Variants in OR5BS1 observed in about 807,000 individuals in gnomAD.
OR5BS1 encodes the protein olfactory receptor family 5 subfamily BS member 1, also known as olfactory receptor 5BS1.
the OR5BS1 span, chr12:48,560,264 A>C: frequency 2.5e-6 from 1 of 401,260 alleles, no homozygotes; most frequent in Non-Finnish European, 4.4e-6. Context: ...GCCATGTGTC[A>C]TCCACTGTTG....
chr12:48,562,580 C>T, the OR5BS1 span, among the ~76,000 whole-genome samples: 1 of 152,186 alleles, frequency 6.6e-6, no homozygotes, highest in African/African-American at 2.4e-5. Flanking sequence ...GCTCCTATAA[C>T]TTTCTGTGTG....
chr12:48,562,358 T>C, the OR5BS1 span, among the ~76,000 whole-genome samples: 1 of 152,234 alleles, frequency 6.6e-6, no homozygotes, highest in African/African-American at 2.4e-5. Context: ...GAACATTGCG[T>C]TTCTGTACTG....
At chr12:48,560,144 AG>A in the OR5BS1 span, 1 of 401,414 alleles carries the variant, frequency 2.5e-6, no homozygotes, top group Admixed American at 4.4e-5. Flanking sequence ...CTTCTTTCTA[AG>A]GGGGAGACAA....
At chr12:48,562,268 C>T in the OR5BS1 span, among the ~76,000 whole-genome samples, 8 of 152,138 alleles carry the variant, frequency 5.3e-5, no homozygotes, top group Non-Finnish European at 1.0e-4. Flanking sequence ...GAGGGTAATT[C>T]CCAGGGCCAT....
the OR5BS1 span, among the ~76,000 whole-genome samples, chr12:48,561,029 G>T: frequency 1.4e-4 from 21 of 151,816 alleles, no homozygotes; most frequent in East Asian, 4.1e-3. Flanking sequence ...CTTCAGCCTC[G>T]GAGGCAGAGG....
chr12:48,561,836 C>G, the OR5BS1 span, among the ~76,000 whole-genome samples: 2 of 152,178 alleles, frequency 1.3e-5, no homozygotes, highest in African/African-American at 4.8e-5. Context: ...GTGCACCAAT[C>G]TCTTCATCTC....
At chr12:48,562,600 A>G in the OR5BS1 span, among the ~76,000 whole-genome samples, 2 of 152,096 alleles carry the variant, frequency 1.3e-5, no homozygotes, top group African/African-American at 4.8e-5. Flanking sequence ...GAGCTCACTT[A>G]TGTTTGGAAG....
the OR5BS1 span, among the ~76,000 whole-genome samples, chr12:48,561,299 G>A: frequency 6.6e-6 from 1 of 152,096 alleles, no homozygotes; most frequent in South Asian, 2.1e-4. Flanking sequence ...TGAAACATAT[G>A]CCATCTTTAT....
the OR5BS1 span, among the ~76,000 whole-genome samples, chr12:48,561,332 A>G: frequency 6.6e-6 from 1 of 152,194 alleles, no homozygotes; most frequent in East Asian, 1.9e-4. Context: ...GATGTCGCCA[A>G]AGCTTACATA....
chr12:48,560,687 G>T, the OR5BS1 span: 1 of 400,646 alleles, frequency 2.5e-6, no homozygotes, highest in South Asian at 1.3e-4. Flanking sequence ...ATATAAATGC[G>T]GGATATTCCT....
At chr12:48,560,164 C>T in the OR5BS1 span, 1 of 401,420 alleles carries the variant, frequency 2.5e-6, no homozygotes, top group Non-Finnish European at 4.4e-6. Flanking sequence ...AATATCCTTC[C>T]TTGAGTGTTT....
the OR5BS1 span, among the ~76,000 whole-genome samples, chr12:48,562,630 C>A: frequency 6.6e-6 from 1 of 152,174 alleles, no homozygotes; most frequent in African/African-American, 2.4e-5. Flanking sequence ...GCAGAAATGA[C>A]TGACTTTTCA....
At chr12:48,562,571 C>T in the OR5BS1 span, among the ~76,000 whole-genome samples, 1 of 152,234 alleles carries the variant, frequency 6.6e-6, no homozygotes, top group Admixed American at 6.5e-5. Flanking sequence ...CTCGGGGCAG[C>T]TCCTATAACT....
At chr12:48,562,893 GAGCC>G in the OR5BS1 span, 2 of 401,866 alleles carry the variant, frequency 5.0e-6, no homozygotes, top group South Asian at 1.3e-4. Flanking sequence ...ACAGTCTGAA[GAGCC>G]AGGAGGTAAA....
chr12:48,560,713 C>T, the OR5BS1 span: 249 of 400,036 alleles, frequency 6.2e-4, no homozygotes, highest in Middle Eastern at 3.8e-3. Context: ...TAAGTGGTCT[C>T]CGTTGGCAGA....
the OR5BS1 span, chr12:48,560,354 T>A: frequency 3.7e-4 from 149 of 401,504 alleles, no homozygotes; most frequent in Non-Finnish European, 2.6e-5. Context: ...ACTGGCCTAA[T>A]TAACACCCTC....
the OR5BS1 span, among the ~76,000 whole-genome samples, chr12:48,561,262 T>C: frequency 6.6e-6 from 1 of 152,232 alleles, no homozygotes; most frequent in Non-Finnish European, 1.5e-5. Flanking sequence ...TTTTAATCAG[T>C]GTTAGACAAA....
chr12:48,559,897 A>G, the OR5BS1 span: 2 of 401,348 alleles, frequency 5.0e-6, no homozygotes, highest in Admixed American at 4.4e-5. Flanking sequence ...AGTCAGCAAC[A>G]TGACCACAGT....
At chr12:48,562,814 G>C in the OR5BS1 span, 2 of 401,676 alleles carry the variant, frequency 5.0e-6, no homozygotes, top group Admixed American at 4.4e-5. Context: ...CCAGCATCTG[G>C]CTCAGCCCTA....
Sources: allele counts gnomAD v4.1 joint callset (sites outside exome capture counted in the v4.1 genomes callset), GRCh38; gene constraint gnomAD v4.1.1; transcripts MANE v1.5; gene names NCBI Gene and HGNC (gene_info 2026-07-23, HGNC 2026-07-21).